The following OLFM2 variants were observed in gnomAD, a reference collection of about 807,000 sequenced individuals.
OLFM2 encodes noelin-2.
OLFM2 carries 20 observed loss-of-function variants against 43.9 expected under a neutral mutation model. The ratio of observed to expected loss-of-function variants is 0.46; its 90% CI spans 0.32 to 0.66. OLFM2 has a LOEUF of 0.66. Ranked by LOEUF, OLFM2 falls within the 30% of genes least tolerant of loss-of-function variation. The pLI, the probability that OLFM2 is intolerant of heterozygous loss-of-function variation, is 0.04. For synonymous variants in OLFM2, 268 were observed against 278.6 expected, an observed-to-expected ratio of 0.96 and a Z score of 0.38; for missense variants, 416 against 643.6, an observed-to-expected ratio of 0.65 and a Z score of 3.83.
intron 1 of OLFM2, among the ~76,000 whole-genome samples, chr19:9,925,382 A>G (rs1384225001): frequency 6.6e-6 from 1 of 152,174 alleles, no homozygotes; most frequent in Non-Finnish European, 1.5e-5. Flanking sequence ...GTGGGAATGT[A>G]AAATAGCGCA....
chr19:9,908,619 C>T (rs1300484254), intron 1 of OLFM2, among the ~76,000 whole-genome samples: 2 of 151,958 alleles, frequency 1.3e-5, no homozygotes, highest in Non-Finnish European at 2.9e-5. Flanking sequence ...GCTGGGACTG[C>T]AGGCACCCGC....
chr19:9,911,948 T>C (rs2046830791), intron 1 of OLFM2, among the ~76,000 whole-genome samples: 2 of 152,062 alleles, frequency 1.3e-5, no homozygotes, highest in African/African-American at 4.8e-5. Context: ...AAACCCATAG[T>C]CAGGGACAGG....
intron 1 of OLFM2, among the ~76,000 whole-genome samples, chr19:9,918,896 G>C (rs568308838): frequency 1.3e-5 from 2 of 152,278 alleles, no homozygotes; most frequent in South Asian, 2.1e-4. Flanking sequence ...ATGGGCACGG[G>C]GGCTGTTTTG....
At chr19:9,911,514 A>G (rs1257567029) in intron 1 of OLFM2, among the ~76,000 whole-genome samples, 1 of 152,058 alleles carries the variant, frequency 6.6e-6, no homozygotes, top group African/African-American at 2.4e-5. Context: ...GAAAACACAC[A>G]GCACACAGGG....
intron 1 of OLFM2, among the ~76,000 whole-genome samples, chr19:9,878,231 G>A (rs1386639281): frequency 6.6e-6 from 1 of 152,094 alleles, no homozygotes; most frequent in South Asian, 2.1e-4. Context: ...GATATTCAAG[G>A]GAGTGTGACA....
intron 1 of OLFM2, among the ~76,000 whole-genome samples, chr19:9,863,670 A>C (rs964925319): frequency 5.3e-5 from 8 of 151,800 alleles, no homozygotes; most frequent in Non-Finnish European, 7.4e-5. Flanking sequence ...AGATAAACCA[A>C]GCTGTGAATT....
chr19:9,854,815 G>C lies in OLFM2; in HGVS notation c.736C>G (p.Arg246Gly). Residue 246 changes from arginine (R) to glycine (G), a missense_variant, in exon 6 of 6, where the codon CGT becomes GGT. Physicochemically the swap from Arg to Gly is moderately radical, Grantham distance 125 (BLOSUM62 -2). Coordinates refer to ENST00000264833, the MANE Select transcript of OLFM2 (RefSeq NM_058164.4). This position sits in a 1 kb window ranked among gnomAD's most constrained non-coding sequence, Gnocchi z 9.5. ...YYKGRRVLEF[R>G]TLGDFIKGQN... is the part of the protein sequence containing the mutation. The stretch of plus-strand genomic sequence containing the variant: ...CCTTTGATGAAGTCTCCCAGGGTAC[G>C]GAACTCCAGGACCCGGCGGCCTTTG... The C allele has an allele frequency of 1.2e-6, 2 of 1,606,242 alleles. No individual in the cohort carries two copies. Among genetic ancestry groups the C allele is most frequent in the African/African-American group, 2.7e-5 (2 of 74,902 alleles).
chr19:9,924,378 C>T (rs2086439151), intron 1 of OLFM2, among the ~76,000 whole-genome samples: 1 of 141,650 alleles, frequency 7.1e-6, no homozygotes, highest in Non-Finnish European at 1.5e-5. Context: ...TGCACTCCAG[C>T]CTGGGCGACA....
intron 1 of OLFM2, among the ~76,000 whole-genome samples, chr19:9,870,569 A>G (rs996334353): frequency 1.3e-5 from 2 of 152,164 alleles, no homozygotes; most frequent in African/African-American, 4.8e-5. Context: ...TCTCTGGCCC[A>G]TCCTCTCTAA....
At chr19:9,921,491 ATT>A (rs145728493) in intron 1 of OLFM2, among the ~76,000 whole-genome samples, 5 of 141,950 alleles carry the variant, frequency 3.5e-5, no homozygotes, top group Non-Finnish European at 4.7e-5. Context: ...ACTACATTAA[ATT>A]TTTTTTTTTT....
intron 1 of OLFM2, among the ~76,000 whole-genome samples, chr19:9,888,503 G>A (rs545768507): frequency 1.5e-5 from 2 of 135,428 alleles, no homozygotes; most frequent in Admixed American, 8.1e-5. Flanking sequence ...CAGTCTGGGC[G>A]ACAGTGAGAC....
chr19:9,883,034 A>C lies in OLFM2; in HGVS notation c.64-22240T>G, dbSNP rs1207266525. 4.7e-4 allele frequency among the ~76,000 whole-genome samples: 11 copies of C among 23,388 alleles called. No individual in the cohort carries two copies. In the Admixed American group the frequency reaches 8.3e-3, roughly 18 times the overall value. The allele number at this position is 23,388 out of a possible 152,430, so 15.3% of individuals were successfully genotyped here. ...GCCAGCATGGTGAAACCCCATCTCT[A>C]CTAAAAAAAAAAAAATACAAAAAAA... On this transcript the variant is annotated intron_variant, in intron 1 of 5. Coordinates refer to ENST00000264833, the MANE Select transcript of OLFM2 (RefSeq NM_058164.4).
chr19:9,888,949 C>T (rs996152129), intron 1 of OLFM2, among the ~76,000 whole-genome samples: 3 of 152,088 alleles, frequency 2.0e-5, no homozygotes, highest in African/African-American at 7.2e-5. Context: ...GCCTGTAGTC[C>T]CAGCTACTTG....
At chr19:9,878,744 G>A (rs1021017130) in intron 1 of OLFM2, among the ~76,000 whole-genome samples, 3 of 152,088 alleles carry the variant, frequency 2.0e-5, no homozygotes, top group African/African-American at 7.2e-5. Flanking sequence ...AGATAAGCAA[G>A]GAAGAAAGAA....
intron 1 of OLFM2, among the ~76,000 whole-genome samples, chr19:9,868,588 C>A (rs1421612235): frequency 2.6e-5 from 4 of 152,132 alleles, no homozygotes; most frequent in Non-Finnish European, 5.9e-5. Flanking sequence ...ATTTTAATCA[C>A]CATCTTTAAA....
chr19:9,927,097 C>T (rs1376197934), intron 1 of OLFM2, among the ~76,000 whole-genome samples: 1 of 152,028 alleles, frequency 6.6e-6, no homozygotes, highest in Non-Finnish European at 1.5e-5. Context: ...GCCTGGCCAA[C>T]ATGGTGAAAT....
intron 1 of OLFM2, among the ~76,000 whole-genome samples, chr19:9,920,944 G>T (rs2086415625): frequency 6.6e-6 from 1 of 152,042 alleles, no homozygotes; most frequent in South Asian, 2.1e-4. Flanking sequence ...AAATTTCTGG[G>T]TGGTAAAAAA....
intron 1 of OLFM2, among the ~76,000 whole-genome samples, chr19:9,871,829 C>G (rs987869483): frequency 2.0e-5 from 3 of 152,152 alleles, no homozygotes; most frequent in African/African-American, 7.2e-5. Flanking sequence ...ACAATTCATC[C>G]GTGATCCTCA....
At chr19:9,913,663 C>T in intron 1 of OLFM2, 2 of 1,162,546 alleles carry the variant, frequency 1.7e-6, no homozygotes, top group South Asian at 2.6e-5. Context: ...CGCGTCCCTT[C>T]TCTGGCCCGC....
Sources: allele counts gnomAD v4.1 joint callset (sites outside exome capture counted in the v4.1 genomes callset), GRCh38; gene constraint gnomAD v4.1.1; non-coding constraint Gnocchi (gnomAD v3.1); transcripts MANE v1.5; gene names NCBI Gene and HGNC (gene_info 2026-07-23, HGNC 2026-07-21).